The following SLC7A14 variants were observed in gnomAD, a reference collection of about 807,000 sequenced individuals.
SLC7A14 encodes solute carrier family 7 member 14.
SLC7A14 carries 37 observed loss-of-function variants against 60.2 expected under a neutral mutation model. That is an observed-to-expected ratio of 0.61 (90% CI 0.47 to 0.81). SLC7A14 has a LOEUF of 0.81. Among genes scored for constraint, SLC7A14 ranks in the 30% least tolerant of loss-of-function variants. The pLI, the probability that SLC7A14 is intolerant of heterozygous loss-of-function variation, is 0.00. For synonymous variants in SLC7A14, 399 were observed against 395.8 expected, an observed-to-expected ratio of 1.01 and a Z score of -0.10; for missense variants, 886 against 982.7, an observed-to-expected ratio of 0.90 and a Z score of 1.32.
chr3:170,531,620 A>G (rs1713683230), intron 1 of SLC7A14, among the ~76,000 whole-genome samples: 1 of 152,178 alleles, frequency 6.6e-6, no homozygotes, highest in Non-Finnish European at 1.5e-5. Context: ...GGAGAGAACA[A>G]AATGTACAAA....
intron 1 of SLC7A14, among the ~76,000 whole-genome samples, chr3:170,582,811 C>T (rs957699181): frequency 1.3e-5 from 2 of 152,130 alleles, no homozygotes; most frequent in African/African-American, 4.8e-5. Context: ...CAGGATGGAA[C>T]TATCAATTAA....
intron 1 of SLC7A14, among the ~76,000 whole-genome samples, chr3:170,552,001 A>G (rs1477020777): frequency 6.6e-6 from 1 of 152,170 alleles, no homozygotes; most frequent in Non-Finnish European, 1.5e-5. Context: ...CAAAATTACA[A>G]AGACTTATGA....
In SLC7A14 at chr3:170,526,924, A is replaced by G. The variant is rs1160199431; in HGVS notation, c.13T>C (p.Phe5Leu). 6.2e-7 allele frequency: 1 copy of G among 1,612,922 alleles called. No individual in the cohort carries two copies. The highest frequency in any genetic ancestry group is 8.5e-7 in the Non-Finnish European group (1 of 1,179,602). The change falls in exon 2 of 8, where the codon TTC becomes CTC. Residue 5 changes from phenylalanine to leucine, a missense_variant. Physicochemically the swap from Phe to Leu is conservative, Grantham distance 22 (BLOSUM62 0). Transcript: ENST00000231706. MSGF[F>L]TSLDPRRVQW... ...ACCCGCCGGGGGTCCAGCGAGGTGA[A>G]GAAGCCACTCATCTTGAGCGATAGG...
chr3:170,569,858 C>A (rs898065705), intron 1 of SLC7A14, among the ~76,000 whole-genome samples: 1 of 152,044 alleles, frequency 6.6e-6, no homozygotes, highest in African/African-American at 2.4e-5. Context: ...GTGGTGATAT[C>A]CCCTTTATCA....
At chr3:170,572,060 C>CAAAAA (rs765897392) in intron 1 of SLC7A14, among the ~76,000 whole-genome samples, 34 of 79,926 alleles carry the variant, frequency 4.3e-4, no homozygotes, top group East Asian at 1.4e-3. Flanking sequence ...GACTCTGTCT[C>CAAAAA]AAAAAAAAAA....
intron 2 of SLC7A14, among the ~76,000 whole-genome samples, chr3:170,502,303 T>C (rs1421299185): frequency 5.3e-5 from 8 of 152,222 alleles, no homozygotes; most frequent in Non-Finnish European, 8.8e-5. Context: ...TTTCAGGAGA[T>C]AGGAATCAGG....
intron 7 of SLC7A14, among the ~76,000 whole-genome samples, chr3:170,470,808 A>T (rs914067395): frequency 6.6e-6 from 1 of 152,210 alleles, no homozygotes; most frequent in Non-Finnish European, 1.5e-5. Flanking sequence ...GTGTCGGAGG[A>T]GTAAACAGAG....
chr3:170,495,740 C>T, intron 4 of SLC7A14: 5 of 1,170,748 alleles, frequency 4.3e-6, no homozygotes, highest in Non-Finnish European at 5.1e-6. Flanking sequence ...CCCTCAACAA[C>T]AAGTTTGCCT....
At chr3:170,531,835 G>A (rs1249206865) in intron 1 of SLC7A14, among the ~76,000 whole-genome samples, 1 of 152,198 alleles carries the variant, frequency 6.6e-6, no homozygotes, top group Non-Finnish European at 1.5e-5. Context: ...GGGCCTCTGG[G>A]AGAAGAGAGT....
Position 170,471,090 on chromosome 3 carries a change from GGTGTGT to G in SLC7A14, c.1994-3719_1994-3714del, listed in dbSNP as rs113891859. Among the ~76,000 whole-genome samples, 31 of 146,446 alleles carry G rather than the reference GGTGTGT, an allele frequency of 2.1e-4. No individual in the cohort carries two copies. In the South Asian group the frequency reaches 4.2e-3, roughly 20 times the overall value. On this transcript the variant is annotated intron_variant, in intron 7 of 7. Transcript: ENST00000231706. Reference sequence around the variant, plus strand: ...ACTCCCTTTAACCTGTCTGGGAAGGGGTGTGTGTGTGTGTGTGTGTGTGTGTGTGTG... The same window carrying G: ...ACTCCCTTTAACCTGTCTGGGAAGGGGTGTGTGTGTGTGTGTGTGTGTGTG...
Position 170,464,729 on chromosome 3 carries a change from T to A in SLC7A14, c.*2326A>T, listed in dbSNP as rs1279463118. On this transcript the variant is annotated 3_prime_UTR_variant, in exon 8 of 8. Coordinates refer to ENST00000231706, the MANE Select transcript of SLC7A14 (RefSeq NM_020949.3). ...CAATGGTGTTAACCAAAGCATACAT[T>A]TTCCATTCCCATCCTATAGAAATTG... is the stretch of plus-strand genomic sequence containing the variant. 2 of 152,198 alleles carry A rather than the reference T, an allele frequency of 1.3e-5. No homozygotes were observed. Among genetic ancestry groups the A allele is most frequent in the Non-Finnish European group, 2.9e-5 (2 of 68,036 alleles). 9.4% of individuals were successfully genotyped at this position (152,198 alleles called of 1,614,324 possible).
chr3:170,550,257 TGAA>T (rs1233907390), intron 1 of SLC7A14, among the ~76,000 whole-genome samples: 1 of 152,212 alleles, frequency 6.6e-6, no homozygotes, highest in Non-Finnish European at 1.5e-5. Context: ...TACTATAATA[TGAA>T]GAAGAACTAG....
intron 4 of SLC7A14, among the ~76,000 whole-genome samples, chr3:170,494,386 A>G (rs1246910171): frequency 1.3e-5 from 2 of 152,252 alleles, no homozygotes; most frequent in Admixed American, 6.5e-5. Context: ...CCCAGGATGT[A>G]TAAGTGGGGA....
chr3:170,485,609 G>C (rs778773889), intron 5 of SLC7A14, among the ~76,000 whole-genome samples: 1 of 152,176 alleles, frequency 6.6e-6, no homozygotes, highest in Non-Finnish European at 1.5e-5. Flanking sequence ...AGTGTCTCAG[G>C]GGCGTGATCC....
chr3:170,484,586 A>G (rs966370781), intron 5 of SLC7A14, among the ~76,000 whole-genome samples: 4 of 152,196 alleles, frequency 2.6e-5, no homozygotes, highest in Non-Finnish European at 4.4e-5. Flanking sequence ...GCCTGAAGGA[A>G]AGAGGGTGGT....
intron 2 of SLC7A14, among the ~76,000 whole-genome samples, chr3:170,523,293 C>G (rs2108291958): frequency 6.6e-6 from 1 of 152,330 alleles, no homozygotes; most frequent in Admixed American, 6.5e-5. Context: ...GATTGCTATA[C>G]TACTTCTGAA....
chr3:170,515,322 A>C (rs866507241), intron 2 of SLC7A14, among the ~76,000 whole-genome samples: 4,925 of 68,618 alleles, frequency 0.072, 274 homozygotes, highest in African/African-American at 0.21. Context: ...GCCCCCCCCA[A>C]AAAAAAAATA....
At chr3:170,472,993 T>C in intron 7 of SLC7A14, among the ~76,000 whole-genome samples, 1 of 152,204 alleles carries the variant, frequency 6.6e-6, no homozygotes, top group East Asian at 1.9e-4. Flanking sequence ...CACTTTCTCA[T>C]CCATCATCCC....
In SLC7A14 at chr3:170,532,392, G is replaced by T. The variant is rs773731969; in HGVS notation, c.-152-5304C>A. Among the ~76,000 whole-genome samples the T allele has an allele frequency of 1.4e-4, 22 of 152,164 alleles. No individual in the cohort carries two copies. Among genetic ancestry groups the T allele is most frequent in the African/African-American group, 5.3e-4 (22 of 41,430 alleles). On this transcript the variant is annotated intron_variant, in intron 1 of 7. Coordinates refer to ENST00000231706, the MANE Select transcript of SLC7A14 (RefSeq NM_020949.3). This position sits in a 1 kb window ranked among gnomAD's most constrained non-coding sequence, Gnocchi z 4.0. ...CACCTCCCTGCTTTTCTTCCTCTGG[G>T]CTGAGCTCCTGGCTCTGGGTTAAGA... is the stretch of plus-strand genomic sequence containing the variant.
Sources: gnomAD v4.1 joint callset for allele counts (sites outside exome capture counted in the v4.1 genomes callset) on GRCh38, gnomAD v4.1.1 for gene constraint, Gnocchi (gnomAD v3.1) non-coding constraint, MANE v1.5 for transcripts, NCBI Gene and HGNC (gene_info 2026-07-23, HGNC 2026-07-21) for gene names.